GPC6: variants seen among roughly 807,000 people sequenced by gnomAD.
GPC6 encodes glypican-6.
In GPC6, 14 loss-of-function variants were observed where a neutral mutation model predicts 55.2. That is an observed-to-expected ratio of 0.25 (90% CI 0.17 to 0.40). The LOEUF is 0.40. GPC6 is among the 10% of genes least tolerant of loss of function. The pLI is 1.00. For synonymous variants in GPC6, 278 were observed against 259.6 expected (o/e 1.07, Z -0.68); for missense variants, 641 against 708.5 (o/e 0.90, Z 1.08).
chr13:93,771,167 T>C (rs1209457858), intron 2 of GPC6, among the ~76,000 whole-genome samples: 1 of 152,120 alleles, frequency 6.6e-6, no homozygotes, highest in African/African-American at 2.4e-5. Flanking sequence ...AGCAAGTTGT[T>C]TCAGCCACTT....
At chr13:94,098,077 T>C (rs1885729966) in intron 4 of GPC6, among the ~76,000 whole-genome samples, 1 of 152,136 alleles carries the variant, frequency 6.6e-6, no homozygotes, top group Non-Finnish European at 1.5e-5. Flanking sequence ...AAGTCAGAAA[T>C]AAAAACCCCA....
chr13:93,655,003 A>ATTTTTTTTTTTTTTTTTTTTTTTT (rs3884231), intron 2 of GPC6, among the ~76,000 whole-genome samples: 1 of 104,756 alleles, frequency 9.5e-6, no homozygotes, highest in Non-Finnish European at 1.8e-5. Context: ...TGCCCGGCTA[A>ATTTTTTTTTTTTTTTTTTTTTTTT]TTTTTTTTTT....
intron 4 of GPC6, among the ~76,000 whole-genome samples, chr13:94,232,977 G>A (rs925422134): frequency 6.9e-6 from 1 of 144,722 alleles, no homozygotes; most frequent in African/African-American, 2.5e-5. Flanking sequence ...AATAGTTCAG[G>A]TTTTATAACT....
At chr13:93,298,940 TA>T (rs1264675861) in intron 1 of GPC6, among the ~76,000 whole-genome samples, 2 of 151,850 alleles carry the variant, frequency 1.3e-5, no homozygotes, top group Non-Finnish European at 2.9e-5. Context: ...GTGTCTCATG[TA>T]ATAGTTATTT....
At chr13:93,274,716 C>T (rs1385740405) in intron 1 of GPC6, among the ~76,000 whole-genome samples, 1 of 152,076 alleles carries the variant, frequency 6.6e-6, no homozygotes, top group Non-Finnish European at 1.5e-5. Context: ...TGATTTTATG[C>T]TATCAGAATG....
chr13:94,077,953 C>T (rs957933851), intron 4 of GPC6, among the ~76,000 whole-genome samples: 1 of 151,806 alleles, frequency 6.6e-6, no homozygotes, highest in Non-Finnish European at 1.5e-5. Context: ...CCAACAGTGG[C>T]AGAATACACA....
rs1881410366 is a variant in GPC6 at position 94,407,358 on chromosome 13, A to G, written c.*4141A>G. 6.6e-6 allele frequency: 1 copy of G among 152,176 alleles called. No homozygotes were observed. Among genetic ancestry groups the G allele is most frequent in the East Asian group, 1.9e-4 (1 of 5,204 alleles). 9.4% of individuals were successfully genotyped at this position (152,176 alleles called of 1,614,324 possible). A position where few individuals can be genotyped will look rare whatever the true frequency, so the allele number is the denominator to read the frequency against. On this transcript the variant is annotated 3_prime_UTR_variant, in exon 9 of 9. Coordinates refer to ENST00000377047, the MANE Select transcript of GPC6 (RefSeq NM_005708.5). Reference sequence around the variant, plus strand: ...GATTTTTCATTTCTGATTTGGATAGAAAATTGCTATTAATCTTGTATTAAA... The same window carrying G: ...GATTTTTCATTTCTGATTTGGATAGGAAATTGCTATTAATCTTGTATTAAA...
At chr13:93,398,705 A>G (rs1875955119) in intron 1 of GPC6, among the ~76,000 whole-genome samples, 1 of 152,182 alleles carries the variant, frequency 6.6e-6, no homozygotes, top group Admixed American at 6.5e-5. Flanking sequence ...GACATGAATT[A>G]TCTCATTTAA....
chr13:93,641,173 C>T (rs2139586185), intron 2 of GPC6, among the ~76,000 whole-genome samples: 1 of 151,388 alleles, frequency 6.6e-6, no homozygotes, highest in East Asian at 1.9e-4. Context: ...ATGCTTTTTT[C>T]AGAAAAAAAA....
intron 3 of GPC6, among the ~76,000 whole-genome samples, chr13:93,971,787 G>C (rs1287537399): frequency 1.3e-5 from 2 of 152,160 alleles, no homozygotes; most frequent in East Asian, 3.9e-4. Flanking sequence ...AATAAGAAAG[G>C]CCAGAGCCAG....
chr13:94,011,691 C>G (rs1882252531), intron 3 of GPC6, among the ~76,000 whole-genome samples: 1 of 152,168 alleles, frequency 6.6e-6, no homozygotes, highest in Non-Finnish European at 1.5e-5. Flanking sequence ...TCCTGTTCTC[C>G]TGGCATTTGC....
At chr13:93,347,844 G>T (rs1459376295) in intron 1 of GPC6, among the ~76,000 whole-genome samples, 1 of 152,186 alleles carries the variant, frequency 6.6e-6, no homozygotes, top group African/African-American at 2.4e-5. Context: ...AGACAGCAGG[G>T]CAGGCTTTCC....
At chr13:93,711,291 A>G (rs1883050195) in intron 2 of GPC6, among the ~76,000 whole-genome samples, 2 of 151,768 alleles carry the variant, frequency 1.3e-5, no homozygotes, top group Non-Finnish European at 2.9e-5. Flanking sequence ...GAAAATGAAC[A>G]TGGAAGCAGG....
Position 93,692,701 on chromosome 13 carries a change from A to G in GPC6, c.320-137453A>G, listed in dbSNP as rs76077953. Among the ~76,000 whole-genome samples, 564 of 152,224 alleles carry G rather than the reference A, an allele frequency of 3.7e-3. 2 individuals carry two copies. Among genetic ancestry groups the G allele is most frequent in the African/African-American group, 0.011 (461 of 41,566 alleles). ...GAGGAAAGCCTTTTCTTCACTCACTAGAATTTATAAAATCAGGTGAAGCAA... is the reference window on the plus strand; with the variant it reads ...GAGGAAAGCCTTTTCTTCACTCACTGGAATTTATAAAATCAGGTGAAGCAA... On this transcript the variant is annotated intron_variant, in intron 2 of 8. Coordinates refer to ENST00000377047, the MANE Select transcript of GPC6 (RefSeq NM_005708.5).
intron 1 of GPC6, among the ~76,000 whole-genome samples, chr13:93,340,417 T>A (rs980744486): frequency 6.6e-6 from 1 of 152,226 alleles, no homozygotes; most frequent in Non-Finnish European, 1.5e-5. Flanking sequence ...AAGTCCACAC[T>A]TTTATAGGTC....
chr13:93,507,465 C>T (rs933119227), intron 1 of GPC6, among the ~76,000 whole-genome samples: 1 of 152,076 alleles, frequency 6.6e-6, no homozygotes, highest in African/African-American at 2.4e-5. Context: ...TATTATTACA[C>T]AACACATTTA....
chr13:94,251,495 C>T (rs41506544), intron 4 of GPC6, among the ~76,000 whole-genome samples: 15,726 of 150,812 alleles, frequency 0.1, 1,152 homozygotes, highest in African/African-American at 0.21. Flanking sequence ...GGTTAGTTTG[C>T]CAGCAGAATT....
rs1879096100 is a variant in GPC6 at position 93,471,155 on chromosome 13, G to A, written c.161-74108G>A. Among the ~76,000 whole-genome samples the A allele has an allele frequency of 3.3e-5, 5 of 151,954 alleles. No homozygotes were observed. In the South Asian group the frequency reaches 1.0e-3, roughly 32 times the overall value. On this transcript the variant is annotated intron_variant, in intron 1 of 8. Coordinates refer to ENST00000377047, the MANE Select transcript of GPC6 (RefSeq NM_005708.5). ...ATTTTCTTGCTTCAACTTGCTTTGT[G>A]TTTATTTTGCTCCTTTTTTTCTAGC...
At chr13:93,590,589 A>G (rs1257621747) in intron 2 of GPC6, among the ~76,000 whole-genome samples, 2 of 152,122 alleles carry the variant, frequency 1.3e-5, no homozygotes, top group Non-Finnish European at 2.9e-5. Context: ...CTTTTCGATA[A>G]CAATAAGTTT....
Sources: allele counts gnomAD v4.1 joint callset (sites outside exome capture counted in the v4.1 genomes callset), GRCh38; gene constraint gnomAD v4.1.1; transcripts MANE v1.5; gene names NCBI Gene and HGNC (gene_info 2026-07-23, HGNC 2026-07-21).